HLCS: variants seen among roughly 807,000 people sequenced by gnomAD.
The protein encoded by HLCS is biotin--protein ligase.
Under a neutral mutation model 75.0 loss-of-function variants are expected in HLCS, and 53 were observed. The observed-to-expected ratio is 0.71, with a 90% CI of 0.57 to 0.89. The LOEUF is 0.89. Ranked by LOEUF, HLCS falls within the 40% of genes least tolerant of loss-of-function variation. The pLI is 0.00. For synonymous variants in HLCS, 431 were observed against 428.6 expected (o/e 1.01, Z -0.07); for missense variants, 966 against 1,074.0 (o/e 0.90, Z 1.41).
rs2089292343 is a variant in HLCS, at chr21:36,749,322, CA to C, written c.*4923del. 6.6e-6 allele frequency: 1 copy of C among 152,648 alleles called. No homozygotes were observed. Among genetic ancestry groups the C allele is most frequent in the Admixed American group, 6.5e-5 (1 of 15,300 alleles). The allele number at this position is 152,648 out of a possible 1,614,324, so 9.5% of individuals were successfully genotyped here. A position where few individuals can be genotyped will look rare whatever the true frequency, so the allele number is the denominator to read the frequency against. On this transcript the variant is annotated 3_prime_UTR_variant, in exon 11 of 11. Transcript: ENST00000674895. Reference sequence around the variant, plus strand: ...ACACTGCAGCATTTTGCTGCTTTATCAAAATGGTTTATTTTAGGAAACTTTT... The same window carrying C: ...ACACTGCAGCATTTTGCTGCTTTATCAAATGGTTTATTTTAGGAAACTTTT...
chr21:36,956,316 C>A (rs2067943056), intron 2 of HLCS, among the ~76,000 whole-genome samples: 1 of 151,988 alleles, frequency 6.6e-6, no homozygotes, highest in Non-Finnish European at 1.5e-5. Flanking sequence ...TATTTCAAAT[C>A]CACAGGTGAA....
intron 5 of HLCS, among the ~76,000 whole-genome samples, chr21:36,897,348 G>A (rs1367587545): frequency 6.6e-6 from 1 of 152,040 alleles, no homozygotes; most frequent in African/African-American, 2.4e-5. Flanking sequence ...CAGAAACCAG[G>A]ATCCAAGAAA....
intron 6 of HLCS, among the ~76,000 whole-genome samples, chr21:36,819,794 A>G (rs991281660): frequency 1.8e-4 from 28 of 152,234 alleles, no homozygotes; most frequent in Non-Finnish European, 4.0e-4. Context: ...TACTCTTTCC[A>G]CTTTCCCATA....
intron 1 of HLCS, among the ~76,000 whole-genome samples, chr21:36,965,273 C>G (rs1330408274): frequency 6.6e-6 from 1 of 152,064 alleles, no homozygotes; most frequent in Non-Finnish European, 1.5e-5. Flanking sequence ...AAAAGTGAGG[C>G]AATATTCCAG....
At chr21:36,854,781 C>T (rs2063129850) in intron 6 of HLCS, among the ~76,000 whole-genome samples, 1 of 152,206 alleles carries the variant, frequency 6.6e-6, no homozygotes, top group Admixed American at 6.5e-5. Flanking sequence ...ACAAGATTCT[C>T]CCACTATTAA....
intron 2 of HLCS, among the ~76,000 whole-genome samples, chr21:36,954,850 G>A (rs149193522): frequency 6.6e-6 from 1 of 151,978 alleles, no homozygotes; most frequent in Non-Finnish European, 1.5e-5. Context: ...ATCACTTGAG[G>A]TCAAGGGTTT....
chr21:36,903,363 T>A (rs183936887), intron 5 of HLCS, among the ~76,000 whole-genome samples: 50 of 152,178 alleles, frequency 3.3e-4, no homozygotes, highest in Non-Finnish European at 4.6e-4. Context: ...AAAACTTTGG[T>A]CAATGCCCTT....
upstream of HLCS, among the ~76,000 whole-genome samples, chr21:36,967,782 C>G (rs551624539): frequency 2.0e-5 from 3 of 147,546 alleles, no homozygotes; most frequent in African/African-American, 7.5e-5. Flanking sequence ...TGCAGTGGTG[C>G]AATCTCGGCT....
chr21:36,867,139 C>CTA (rs762776931), intron 6 of HLCS, among the ~76,000 whole-genome samples: 5 of 152,224 alleles, frequency 3.3e-5, no homozygotes, highest in South Asian at 4.2e-4. Flanking sequence ...GACCCAGTTC[C>CTA]CATAAAAGAG....
At chr21:36,772,005 A>G (rs2145797431) in intron 6 of HLCS, among the ~76,000 whole-genome samples, 1 of 152,190 alleles carries the variant, frequency 6.6e-6, no homozygotes, top group East Asian at 1.9e-4. Context: ...TCAAAAAAAA[A>G]AAACAAAAAT....
chr21:36,986,233 C>T (rs1236233788), intron 1 of HLCS, among the ~76,000 whole-genome samples: 3 of 152,160 alleles, frequency 2.0e-5, no homozygotes, highest in Admixed American at 2.0e-4. Context: ...AGAAGGCCCT[C>T]ACCAGATGTG....
intron 2 of HLCS, chr21:36,947,405 G>A: frequency 1.0e-6 from 1 of 985,416 alleles, no homozygotes; most frequent in Non-Finnish European, 1.2e-6. Context: ...AAGCAGCGCT[G>A]GGTGCTCCGA....
intron 5 of HLCS, among the ~76,000 whole-genome samples, chr21:36,920,781 A>G (rs1189616610): frequency 1.3e-5 from 2 of 152,216 alleles, no homozygotes; most frequent in Non-Finnish European, 2.9e-5. Flanking sequence ...AAAACCTTCA[A>G]AATTATAGAC....
In HLCS at chr21:36,871,485, G is replaced by A. The variant is rs1041931846; in HGVS notation, c.1892+25375C>T. Among the ~76,000 whole-genome samples the A allele has an allele frequency of 3.9e-5, 6 of 152,074 alleles. No homozygotes were observed. The East Asian group carries it at 1.2e-3, about 29-fold the overall frequency. The stretch of plus-strand genomic sequence containing the variant: ...AGGGACACAGGCACCACCACAGACG[G>A]CCCTTTATCAGGCTACCATGACACA... On this transcript the variant is annotated intron_variant, in intron 6 of 10. Coordinates refer to ENST00000674895, the MANE Select transcript of HLCS (RefSeq NM_001352514.2).
intron 8 of HLCS, among the ~76,000 whole-genome samples, chr21:36,763,213 T>C (rs908471606): frequency 3.3e-5 from 5 of 152,120 alleles, no homozygotes; most frequent in African/African-American, 1.2e-4. Context: ...TTAGTAGAGA[T>C]GGGGTTTCAC....
intron 5 of HLCS, among the ~76,000 whole-genome samples, chr21:36,924,396 C>T (rs963933835): frequency 1.3e-5 from 2 of 152,070 alleles, no homozygotes; most frequent in Non-Finnish European, 1.5e-5. Flanking sequence ...CCTGTCTCTA[C>T]TAAAAATACA....
At chr21:36,820,352 TGCTGCTGCCCAGCCACG>T (rs1218405156) in intron 6 of HLCS, among the ~76,000 whole-genome samples, 3 of 152,166 alleles carry the variant, frequency 2.0e-5, no homozygotes, top group Non-Finnish European at 2.9e-5. Flanking sequence ...CAGGCGCAGC[TGCTGCTGCCCAGCCACG>T]GCCGGGCCGC....
chr21:36,873,193 C>G (rs1156521077), intron 6 of HLCS, among the ~76,000 whole-genome samples: 2 of 152,070 alleles, frequency 1.3e-5, no homozygotes, highest in Non-Finnish European at 2.9e-5. Context: ...TCTCGACTCA[C>G]TGCAACCTCC....
At chr21:36,876,816 G>A (rs1420958217) in intron 6 of HLCS, among the ~76,000 whole-genome samples, 1 of 152,144 alleles carries the variant, frequency 6.6e-6, no homozygotes, top group Non-Finnish European at 1.5e-5. Flanking sequence ...ATGATTTTTG[G>A]TTAGCTGTTC....
Sources: gnomAD v4.1 joint callset for allele counts (sites outside exome capture counted in the v4.1 genomes callset) on GRCh38, gnomAD v4.1.1 for gene constraint, MANE v1.5 for transcripts, NCBI Gene and HGNC (gene_info 2026-07-23, HGNC 2026-07-21) for gene names.